MTUS1: variants seen among roughly 807,000 people sequenced by gnomAD.
MTUS1 encodes microtubule-associated tumor suppressor 1.
Under a neutral mutation model 120.8 loss-of-function variants are expected in MTUS1, and 109 were observed. The observed-to-expected ratio is 0.90, with a 90% CI of 0.77 to 1.06. MTUS1 has a LOEUF of 1.06. Among genes scored for constraint, MTUS1 ranks in the 50% least tolerant of loss-of-function variants. The pLI, the probability that MTUS1 is intolerant of heterozygous loss-of-function variation, is 0.00. For missense variants in MTUS1, 2,210 were observed against 1,486.3 expected, an observed-to-expected ratio of 1.49 and a Z score of -8.01; for synonymous variants, 737 against 550.5, an observed-to-expected ratio of 1.34 and a Z score of -4.74.
chr8:17,656,552 C>CA (rs1432495992), intron 8 of MTUS1, among the ~76,000 whole-genome samples: 1 of 126,692 alleles, frequency 7.9e-6, no homozygotes, highest in East Asian at 2.6e-4. Flanking sequence ...AAAACCCCCC[C>CA]CCACCCCACA....
chr8:17,737,532 A>G (rs1026644174), intron 3 of MTUS1, among the ~76,000 whole-genome samples: 9 of 152,230 alleles, frequency 5.9e-5, no homozygotes, highest in Non-Finnish European at 1.2e-4. Context: ...CCTGTCACCT[A>G]GCCTGAAGTG....
At chr8:17,775,842 A>G (rs181444281) in intron 1 of MTUS1, among the ~76,000 whole-genome samples, 1 of 152,356 alleles carries the variant, frequency 6.6e-6, no homozygotes, top group East Asian at 1.9e-4. Flanking sequence ...TAAAAATAAA[A>G]GTGACAAGAC....
intron 10 of MTUS1, chr8:17,654,311 A>G (rs1180098115): frequency 8.0e-6 from 4 of 501,508 alleles, no homozygotes; most frequent in African/African-American, 1.9e-5. Context: ...CCACCGCCAA[A>G]ATGGCCTTTA....
At chr8:17,733,776 C>G (rs1029142340) in intron 3 of MTUS1, among the ~76,000 whole-genome samples, 2 of 152,188 alleles carry the variant, frequency 1.3e-5, no homozygotes, top group Non-Finnish European at 2.9e-5. Context: ...TGACCTCAAT[C>G]TCTACATTCT....
At chr8:17,724,237 A>G in intron 3 of MTUS1, 1 of 356,580 alleles carries the variant, frequency 2.8e-6, no homozygotes, top group Non-Finnish European at 5.4e-6. Context: ...CATTAGGACA[A>G]TAGGCTATCA....
intron 2 of MTUS1, among the ~76,000 whole-genome samples, chr8:17,744,689 C>CTTTTTTTTTTTTT (rs58283163): frequency 8.1e-5 from 8 of 99,016 alleles, no homozygotes; most frequent in Non-Finnish European, 1.2e-4. Flanking sequence ...ACCATGTTTT[C>CTTTTTTTTTTTTT]TTTTTTTTTT....
intron 6 of MTUS1, among the ~76,000 whole-genome samples, chr8:17,707,315 T>G (rs1443646997): frequency 1.3e-5 from 2 of 152,198 alleles, no homozygotes; most frequent in Non-Finnish European, 2.9e-5. Flanking sequence ...AGCATCAAAG[T>G]CGTCTTTCCA....
At position 17,727,673 on chromosome 8, in the gene MTUS1, G is replaced by T. The variant is rs552672361; in HGVS notation, c.2288-3840C>A. 5.3e-5 allele frequency among the ~76,000 whole-genome samples: 8 copies of T among 152,298 alleles called. No homozygotes were observed. The East Asian group carries it at 1.5e-3, about 29-fold the overall frequency. ...CAGGACTTCTCTGAGTTACAGTTCCGAAAAGGTGACATTTACCAGGTCATA... is the reference window on the plus strand; with the variant it reads ...CAGGACTTCTCTGAGTTACAGTTCCTAAAAGGTGACATTTACCAGGTCATA... On this transcript the variant is annotated intron_variant, in intron 3 of 14. Coordinates refer to ENST00000693296, the MANE Select transcript of MTUS1 (RefSeq NM_001363059.2).
At chr8:17,792,565 A>G (rs7824612) in intron 1 of MTUS1, among the ~76,000 whole-genome samples, 6,875 of 152,318 alleles carry the variant, frequency 0.045, 531 homozygotes, top group African/African-American at 0.16. Flanking sequence ...CAAAAACACT[A>G]TAAAGCAACA....
chr8:17,801,425 G>T (rs996394509), upstream of MTUS1: 3 of 151,810 alleles, frequency 2.0e-5, no homozygotes, highest in African/African-American at 4.8e-5. Flanking sequence ...CCAGGGGACG[G>T]CCCTCGGGGA....
intron 5 of MTUS1, among the ~76,000 whole-genome samples, chr8:17,714,206 C>G (rs751544364): frequency 1.8e-4 from 28 of 152,164 alleles, no homozygotes; most frequent in Admixed American, 6.5e-4. Context: ...CTGCTGCACA[C>G]TGAAGAATTC....
At chr8:17,785,466 A>G (rs912540947) in intron 1 of MTUS1, among the ~76,000 whole-genome samples, 1 of 152,234 alleles carries the variant, frequency 6.6e-6, no homozygotes, top group South Asian at 2.1e-4. Flanking sequence ...CAGAGACAGC[A>G]TGGGGATGTC....
chr8:17,719,450 C>T (rs1822976357), intron 4 of MTUS1, among the ~76,000 whole-genome samples: 2 of 152,302 alleles, frequency 1.3e-5, no homozygotes, highest in East Asian at 1.9e-4. Context: ...AAGAATGTCT[C>T]ACATATACCC....
intron 3 of MTUS1, chr8:17,724,067 A>G (rs1322897899): frequency 1.7e-6 from 1 of 579,896 alleles, no homozygotes; most frequent in Non-Finnish European, 3.1e-6. Flanking sequence ...TGAGAAGTGT[A>G]GGAGTAACCC....
chr8:17,724,058 G>T, intron 3 of MTUS1: 1 of 575,888 alleles, frequency 1.7e-6, no homozygotes, highest in South Asian at 1.9e-5. Context: ...ATTAGGATAT[G>T]AGAAGTGTAG....
At chr8:17,681,415 T>C (rs1007985508) in intron 7 of MTUS1, among the ~76,000 whole-genome samples, 6 of 152,222 alleles carry the variant, frequency 3.9e-5, no homozygotes, top group Admixed American at 6.5e-5. Flanking sequence ...TTTTAGTTGA[T>C]AGCTTCCTAG....
At chr8:17,732,492 T>C (rs1189019137) in intron 3 of MTUS1, among the ~76,000 whole-genome samples, 1 of 152,202 alleles carries the variant, frequency 6.6e-6, no homozygotes, top group African/African-American at 2.4e-5. Context: ...CCTTGACCTG[T>C]GCTCTCTACA....
At chr8:17,697,836 A>T (rs1818281978) in intron 6 of MTUS1, 1 of 555,650 alleles carries the variant, frequency 1.8e-6, no homozygotes, top group Non-Finnish European at 2.3e-6. Context: ...TGTTTCTTTC[A>T]TAATTAGAAA....
chr8:17,693,863 C>T (rs1320352490), intron 6 of MTUS1, among the ~76,000 whole-genome samples: 1 of 152,196 alleles, frequency 6.6e-6, no homozygotes, highest in East Asian at 1.9e-4. Context: ...GCCTGGTACA[C>T]AGTACTCATC....
Sources: gnomAD v4.1 joint callset for allele counts (sites outside exome capture counted in the v4.1 genomes callset) on GRCh38, gnomAD v4.1.1 for gene constraint, MANE v1.5 for transcripts, NCBI Gene and HGNC (gene_info 2026-07-23, HGNC 2026-07-21) for gene names.